The following TMEM164 variants were observed in gnomAD, a reference collection of about 807,000 sequenced individuals.
The protein encoded by TMEM164 is transmembrane protein 164, also known as RP13-360B22.2.
Under a neutral mutation model 18.8 loss-of-function variants are expected in TMEM164, and 4 were observed. That is an observed-to-expected ratio of 0.21 (90% CI 0.10 to 0.49). The LOEUF is 0.49. Ranked by LOEUF, TMEM164 falls within the 20% of genes least tolerant of loss-of-function variation. The probability of loss-of-function intolerance (pLI) is 0.98; values close to 1 mark genes in which losing one functional copy is unlikely to be tolerated. For synonymous variants in TMEM164, 86 were observed against 101.7 expected (o/e 0.85, Z 0.93); for missense variants, 108 against 239.9 (o/e 0.45, Z 3.63).
At chrX:110,021,798 A>T (rs950929004) in intron 2 of TMEM164, among the ~76,000 whole-genome samples, 26 of 112,117 alleles carry the variant, frequency 2.3e-4, no homozygotes, top group African/African-American at 8.4e-4. Context: ...CTTTTTGTTT[A>T]TGTTTTGGTT....
In TMEM164 at chrX:110,004,083, C is replaced by T. The variant is rs1351336213; in HGVS notation, c.309C>T (p.Phe103=). The T allele has an allele frequency of 2.5e-6, 3 of 1,210,881 alleles. No homozygotes were observed. The highest frequency in any genetic ancestry group is 3.4e-6 in the Non-Finnish European group (3 of 895,324). ...NLLLVALCLT[F]GVEVGFKFAT... is the part of the protein sequence containing the mutation. ...TCTTAGTAGCCCTGTGCCTGACCTT[C>T]GGGGTGGAGGTGGGCTTTAAGTTCG... Residue 103 remains phenylalanine (F), a synonymous_variant, in exon 2 of 7, where the codon TTC becomes TTT. Coordinates refer to ENST00000372068, the MANE Select transcript of TMEM164 (RefSeq NM_032227.4).
chrX:110,124,176 A>AGGC (rs1556011981), intron 4 of TMEM164, among the ~76,000 whole-genome samples: 1,656 of 77,108 alleles, frequency 0.021, 23 homozygotes, highest in African/African-American at 0.031. Context: ...GGAAGGAAGG[A>AGGC]AGGCAGGAAG....
intron 4 of TMEM164, among the ~76,000 whole-genome samples, chrX:110,124,749 A>C (rs2066506180): frequency 8.9e-6 from 1 of 111,781 alleles, no homozygotes; most frequent in Non-Finnish European, 1.9e-5. Context: ...TGCATCTGTC[A>C]CCCAGTTTCA....
intron 2 of TMEM164, among the ~76,000 whole-genome samples, chrX:110,029,109 T>A (rs1934336916): frequency 9.0e-6 from 1 of 111,434 alleles, no homozygotes; most frequent in Non-Finnish European, 1.9e-5. Flanking sequence ...AATTGGATTT[T>A]CAGCTCCAGG....
chrX:110,071,716 CAAAAAAAAAAAAA>C (rs59182790), intron 3 of TMEM164, among the ~76,000 whole-genome samples: 1 of 43,378 alleles, frequency 2.3e-5, no homozygotes, highest in Non-Finnish European at 3.7e-5. Context: ...TTTGTCTCTA[CAAAAAAAAAAAAA>C]AAAAAAAAAA....
intron 2 of TMEM164, among the ~76,000 whole-genome samples, chrX:110,042,285 T>C (rs1046695370): frequency 9.0e-6 from 1 of 111,655 alleles, no homozygotes; most frequent in East Asian, 2.8e-4. Flanking sequence ...TGGAATCATA[T>C]AATATTTGTC....
chrX:110,099,966 G>A (rs1033139706), intron 3 of TMEM164, among the ~76,000 whole-genome samples: 5 of 111,986 alleles, frequency 4.5e-5, no homozygotes, highest in Admixed American at 1.9e-4. Context: ...ATTTTAAGTG[G>A]TTCTTTCAAA....
intron 2 of TMEM164, among the ~76,000 whole-genome samples, chrX:110,018,867 A>C (rs1933633112): frequency 9.2e-6 from 1 of 108,980 alleles, no homozygotes; most frequent in South Asian, 3.7e-4. Flanking sequence ...AGGTATGTGA[A>C]TGTGCTGTGA....
Position 110,030,116 on chromosome X carries a change from T to G in TMEM164, c.390+25952T>G, listed in dbSNP as rs1211466840. 2.3e-4 allele frequency among the ~76,000 whole-genome samples: 16 copies of G among 70,226 alleles called. No homozygotes were observed. In the South Asian group the frequency reaches 2.8e-3, roughly 12 times the overall value. The allele number at this position is 70,226 out of a possible 115,157, so 61.0% of individuals were successfully genotyped here. A position where few individuals can be genotyped will look rare whatever the true frequency, so the allele number is the denominator to read the frequency against. ...TCTCTTTTTCTCTGTCTGTTTTTTT[T>G]TTTTTTTTTTTTTTTTTTTTTGAGG... On this transcript the variant is annotated intron_variant, in intron 2 of 6. Coordinates refer to ENST00000372068, the MANE Select transcript of TMEM164 (RefSeq NM_032227.4).
Position 110,176,182 on chromosome X carries a change from C to T in TMEM164, c.*2731C>T, listed in dbSNP as rs1167750083. 1 of 755,177 alleles carries T rather than the reference C, an allele frequency of 1.3e-6. No homozygotes were observed. Among genetic ancestry groups the T allele is most frequent in the East Asian group, 1.5e-4 (1 of 6,594 alleles). The allele number at this position is 755,177 out of a possible 1,213,427, so 62.2% of individuals were successfully genotyped here. ...ATGGCCTTAGGAAGGGAAAAGAGTA[C>T]TCCCTCCAGCCCCTAGGTAGCCTTG... On this transcript the variant is annotated 3_prime_UTR_variant, in exon 7 of 7. Transcript: ENST00000372068.
intron 3 of TMEM164, among the ~76,000 whole-genome samples, chrX:110,074,271 G>A (rs2065640099): frequency 9.0e-6 from 1 of 111,652 alleles, no homozygotes; most frequent in Non-Finnish European, 1.9e-5. Context: ...CGAAGTGTCT[G>A]TTCACGTCCT....
chrX:110,026,341 G>A (rs1934188136), intron 2 of TMEM164, among the ~76,000 whole-genome samples: 1 of 111,846 alleles, frequency 8.9e-6, no homozygotes, highest in South Asian at 3.7e-4. Flanking sequence ...AAAAGGGCGT[G>A]TTCCTCTACT....
At chrX:110,053,815 A>G (rs1362397778) in intron 2 of TMEM164, among the ~76,000 whole-genome samples, 1 of 111,926 alleles carries the variant, frequency 8.9e-6, no homozygotes. Context: ...GGGTCAGAGG[A>G]GGAGGACTCC....
At chrX:110,084,412 T>TATATATATATAGTATA in intron 3 of TMEM164, among the ~76,000 whole-genome samples, 1 of 1,061 alleles carries the variant, frequency 9.4e-4, no homozygotes, top group Non-Finnish European at 1.5e-3. Flanking sequence ...ATATATATAG[T>TATATATATATAGTATA]GTATATATAT....
At chrX:110,107,668 C>G (rs2066225496) in intron 3 of TMEM164, among the ~76,000 whole-genome samples, 1 of 105,619 alleles carries the variant, frequency 9.5e-6, no homozygotes, top group Non-Finnish European at 2.0e-5. Context: ...CTCCCCTCCC[C>G]TCCCTTCCCC....
Position 110,032,027 on chromosome X carries a change from G to GA in TMEM164, c.390+27871dup, listed in dbSNP as rs1446873459. On this transcript the variant is annotated intron_variant, in intron 2 of 6. Coordinates refer to ENST00000372068, the MANE Select transcript of TMEM164 (RefSeq NM_032227.4). ...TGCATTTCTCACAAAAGTGTAGTGT[G>GA]AAAAAAAATCCAGCTTGATGGGGGA... Among the ~76,000 whole-genome samples, 12 of 110,923 alleles carry GA rather than the reference G, an allele frequency of 1.1e-4. No individual in the cohort carries two copies. The South Asian group carries it at 4.1e-3, about 38-fold the overall frequency.
At chrX:110,069,992 C>T (rs1381685840) in intron 3 of TMEM164, among the ~76,000 whole-genome samples, 2 of 111,695 alleles carry the variant, frequency 1.8e-5, no homozygotes, top group African/African-American at 6.5e-5. Flanking sequence ...ACCCAAATCT[C>T]ATATATTTGA....
chrX:110,163,253 A>G (rs1285223019), intron 5 of TMEM164, among the ~76,000 whole-genome samples: 1 of 112,416 alleles, frequency 8.9e-6, no homozygotes, highest in Non-Finnish European at 1.9e-5. Flanking sequence ...GTGCTGTCCA[A>G]TAAAAACATG....
At chrX:110,184,169 TGGG>T (rs1333860126), downstream of TMEM164, among the ~76,000 whole-genome samples, 3 of 109,068 alleles carry the variant, frequency 2.8e-5, no homozygotes, top group Admixed American at 3.0e-4. Flanking sequence ...ATAGGAAATA[TGGG>T]GGAACTGTCT....
Sources: allele counts gnomAD v4.1 joint callset (sites outside exome capture counted in the v4.1 genomes callset), GRCh38; gene constraint gnomAD v4.1.1; transcripts MANE v1.5; gene names NCBI Gene and HGNC (gene_info 2026-07-23, HGNC 2026-07-21).